HP1BP3: variants seen among roughly 807,000 people sequenced by gnomAD.
HP1BP3 encodes heterochromatin protein 1-binding protein 3.
HP1BP3 carries 12 observed loss-of-function variants against 62.5 expected under a neutral mutation model. The ratio of observed to expected loss-of-function variants is 0.19; its 90% CI spans 0.12 to 0.31. The LOEUF is 0.31. Among genes scored for constraint, HP1BP3 ranks in the 10% least tolerant of loss-of-function variants. The pLI, the probability that HP1BP3 is intolerant of heterozygous loss-of-function variation, is 1.00. For missense variants in HP1BP3, 502 were observed against 651.8 expected, an observed-to-expected ratio of 0.77 and a Z score of 2.50; for synonymous variants, 260 against 237.8, an observed-to-expected ratio of 1.09 and a Z score of -0.86.
At position 20,743,454 on chromosome 1, in the gene HP1BP3, G is replaced by C. The variant is rs2154539322; in HGVS notation, c.*1343C>G. 1 of 152,198 alleles carries C rather than the reference G, an allele frequency of 6.6e-6. No homozygotes were observed. The highest frequency in any genetic ancestry group is 2.1e-4 in the South Asian group (1 of 4,822). 9.4% of individuals were successfully genotyped at this position (152,198 alleles called of 1,614,324 possible). A position where few individuals can be genotyped will look rare whatever the true frequency, so the allele number is the denominator to read the frequency against. On this transcript the variant is annotated 3_prime_UTR_variant, in exon 13 of 13. Transcript: ENST00000438032. ...TGAGGTGAGTGGATCACGAGGTCAG[G>C]AGATCGAGACCATCCTGGCTAACAT...
At chr1:20,782,910 A>G (rs1331001079) in intron 1 of HP1BP3, among the ~76,000 whole-genome samples, 9 of 24,846 alleles carry the variant, frequency 3.6e-4, no homozygotes, top group East Asian at 0.01. Flanking sequence ...AAAAAAAAGA[A>G]AAAAAAAAAA....
intron 9 of HP1BP3, among the ~76,000 whole-genome samples, chr1:20,754,873 G>A (rs2056005051): frequency 6.6e-6 from 1 of 152,210 alleles, no homozygotes; most frequent in East Asian, 1.9e-4. Flanking sequence ...CTCTTAAAAC[G>A]TACGAGTAAA....
chr1:20,758,731 G>C (rs937640208), intron 8 of HP1BP3, among the ~76,000 whole-genome samples: 4 of 149,170 alleles, frequency 2.7e-5, no homozygotes, highest in African/African-American at 9.9e-5. Flanking sequence ...CTGTAGCCTT[G>C]ATCTCCCAGG....
At chr1:20,772,579 G>A (rs189011882) in intron 5 of HP1BP3, among the ~76,000 whole-genome samples, 3 of 152,316 alleles carry the variant, frequency 2.0e-5, no homozygotes, top group East Asian at 1.9e-4. Context: ...CAGTTTATGT[G>A]TTAGTGCTAT....
chr1:20,769,401 T>C (rs974986054), intron 6 of HP1BP3, among the ~76,000 whole-genome samples: 5 of 151,974 alleles, frequency 3.3e-5, no homozygotes, highest in African/African-American at 7.2e-5. Flanking sequence ...CTACAAAGAA[T>C]ACAAAAATTA....
chr1:20,785,298 TAA>T (rs1442442899), intron 1 of HP1BP3, among the ~76,000 whole-genome samples: 2 of 152,234 alleles, frequency 1.3e-5, no homozygotes, highest in Non-Finnish European at 2.9e-5. Context: ...TCCTCTACAT[TAA>T]GAGAAGGCTG....
chr1:20,753,351 A>T (rs1351270599), intron 9 of HP1BP3, among the ~76,000 whole-genome samples: 2 of 152,132 alleles, frequency 1.3e-5, no homozygotes, highest in East Asian at 1.9e-4. Flanking sequence ...CCTGTCATGT[A>T]AAAAAATAAT....
chr1:20,756,778 C>G (rs1043173003), intron 9 of HP1BP3, among the ~76,000 whole-genome samples: 7 of 152,158 alleles, frequency 4.6e-5, no homozygotes, highest in African/African-American at 1.7e-4. Flanking sequence ...CACAGTGGTG[C>G]AATCTTGGCT....
intron 4 of HP1BP3, 135 bp from the exon 5 acceptor site, chr1:20,773,745 A>G (rs1001502248): frequency 1.8e-6 from 1 of 541,734 alleles, no homozygotes; most frequent in Admixed American, 4.0e-5. Flanking sequence ...CATGTACCAT[A>G]AGCAAAATTT....
intron 11 of HP1BP3, among the ~76,000 whole-genome samples, chr1:20,745,946 C>A (rs1160879279): frequency 6.6e-6 from 1 of 152,082 alleles, no homozygotes; most frequent in Admixed American, 6.6e-5. Context: ...TAATATGTAT[C>A]TGGCACTGTA....
At chr1:20,752,567 GGT>G (rs2055838663) in intron 9 of HP1BP3, among the ~76,000 whole-genome samples, 1 of 152,082 alleles carries the variant, frequency 6.6e-6, no homozygotes, top group African/African-American at 2.4e-5. Flanking sequence ...TAGGATTACA[GGT>G]GTGAGCCACT....
intron 6 of HP1BP3, among the ~76,000 whole-genome samples, chr1:20,769,058 A>T (rs2056927797): frequency 6.6e-6 from 1 of 152,136 alleles, no homozygotes; most frequent in Non-Finnish European, 1.5e-5. Flanking sequence ...TCTAATAATT[A>T]TATTAACTAG....
chr1:20,748,773 A>AG (rs2055514446), intron 10 of HP1BP3, among the ~76,000 whole-genome samples: 1 of 152,302 alleles, frequency 6.6e-6, no homozygotes, highest in Non-Finnish European at 1.5e-5. Flanking sequence ...AAAAAAAAAA[A>AG]AAGACTTCAA....
At chr1:20,768,870 T>C (rs1259139394) in intron 6 of HP1BP3, among the ~76,000 whole-genome samples, 2 of 152,132 alleles carry the variant, frequency 1.3e-5, no homozygotes, top group Non-Finnish European at 2.9e-5. Context: ...CTCCACAGCT[T>C]AGTTTTACCT....
At chr1:20,752,947 G>GTTT (rs199580694) in intron 9 of HP1BP3, among the ~76,000 whole-genome samples, 1 of 147,928 alleles carries the variant, frequency 6.8e-6, no homozygotes, top group South Asian at 2.1e-4. Flanking sequence ...CTTGGAACAC[G>GTTT]TTTTTTTTTT....
rs1194429536 is a variant in HP1BP3, at chr1:20,740,897, G to A, written c.*3900C>T. Among the ~76,000 whole-genome samples, 1 of 152,186 alleles carries A rather than the reference G, an allele frequency of 6.6e-6. No homozygotes were observed. Among genetic ancestry groups the A allele is most frequent in the Non-Finnish European group, 1.5e-5 (1 of 68,022 alleles). On this transcript the variant is annotated 3_prime_UTR_variant, in exon 13 of 13. Transcript: ENST00000438032. ...AAGAAAATAATGCAGCTGATTAGGG[G>A]TACTGTTTAACCATCTGTAATGGCT...
chr1:20,784,626 G>A (rs181388297), intron 1 of HP1BP3, among the ~76,000 whole-genome samples: 1 of 151,924 alleles, frequency 6.6e-6, no homozygotes, highest in Admixed American at 6.6e-5. Context: ...ACAGGCGTCC[G>A]CCACGACACC....
At chr1:20,785,215 A>C (rs1252475787) in intron 1 of HP1BP3, among the ~76,000 whole-genome samples, 1 of 152,244 alleles carries the variant, frequency 6.6e-6, no homozygotes, top group Non-Finnish European at 1.5e-5. Flanking sequence ...CACGGCTTTA[A>C]ATTATTTGAA....
At chr1:20,755,102 G>A (rs559312097) in intron 9 of HP1BP3, among the ~76,000 whole-genome samples, 1 of 152,214 alleles carries the variant, frequency 6.6e-6, no homozygotes, top group African/African-American at 2.4e-5. Context: ...ATGGGCAAAA[G>A]ATTTGAATAA....
Sources: gnomAD v4.1 joint callset for allele counts (sites outside exome capture counted in the v4.1 genomes callset) on GRCh38, gnomAD v4.1.1 for gene constraint, MANE v1.5 for transcripts, NCBI Gene and HGNC (gene_info 2026-07-23, HGNC 2026-07-21) for gene names.